Variants in EYS observed in about 807,000 individuals in gnomAD.
EYS encodes protein eyes shut homolog.
Under a neutral mutation model 282.1 loss-of-function variants are expected in EYS, and 250 were observed. The observed-to-expected ratio is 0.89, with a 90% CI of 0.80 to 0.98. The LOEUF (loss-of-function observed/expected upper bound fraction) is 0.98, where lower values mean the gene tolerates loss of function less well. Ranked by LOEUF, EYS falls within the 50% of genes least tolerant of loss-of-function variation. EYS has a pLI of 0.00. For missense variants in EYS, 4,016 were observed against 3,709.0 expected, an observed-to-expected ratio of 1.08 and a Z score of -2.15; for synonymous variants, 1,355 against 1,282.9, an observed-to-expected ratio of 1.06 and a Z score of -1.20.
chr6:64,950,227 G>C (rs1420437264), intron 14 of EYS, among the ~76,000 whole-genome samples: 1 of 151,836 alleles, frequency 6.6e-6, no homozygotes. Flanking sequence ...CACTAAACCA[G>C]TAGACATTTA....
intron 22 of EYS, among the ~76,000 whole-genome samples, chr6:64,735,819 C>T (rs540156948): frequency 3.3e-5 from 5 of 151,740 alleles, no homozygotes; most frequent in Non-Finnish European, 7.4e-5. Context: ...ATATAATAAC[C>T]AATAGATACA....
At chr6:64,347,154 CAG>C (rs112178054) in intron 29 of EYS, among the ~76,000 whole-genome samples, 36 of 151,328 alleles carry the variant, frequency 2.4e-4, no homozygotes, top group African/African-American at 7.2e-4. Flanking sequence ...AATAATAAAA[CAG>C]AGGAAGAACC....
intron 29 of EYS, among the ~76,000 whole-genome samples, chr6:64,354,755 G>A (rs1262901161): frequency 1.3e-5 from 2 of 151,460 alleles, no homozygotes. Flanking sequence ...ATTAAAATGT[G>A]CATATGTATG....
Position 64,590,496 on chromosome 6 carries a change from C to A in EYS, c.5371G>T (p.Val1791Phe), listed in dbSNP as rs1766369643. The change falls in exon 26 of 43, where the codon GTT (valine) becomes TTT (phenylalanine). Residue 1791 changes from valine (V) to phenylalanine (F), a missense_variant. Val to Phe is a conservative substitution (Grantham distance 50). Coordinates refer to ENST00000503581, the MANE Select transcript of EYS (RefSeq NM_001142800.2). ...VPDFSEVTTNVAFYTVSATPA... is the reference protein window; with the variant it reads ...VPDFSEVTTNFAFYTVSATPA... The stretch of plus-strand genomic sequence containing the variant: ...GTTGCTGAAACTGTATAAAATGCAA[C>A]ATTGGTGGTGACTTCTGAAAAATCA... 2.6e-6 allele frequency: 4 copies of A among 1,551,288 alleles called. No individual in the cohort carries two copies. The Admixed American group carries it at 5.9e-5, about 23-fold the overall frequency.
chr6:64,943,916 A>G (rs922857089), intron 15 of EYS, among the ~76,000 whole-genome samples: 1 of 152,110 alleles, frequency 6.6e-6, no homozygotes, highest in African/African-American at 2.4e-5. Context: ...AGGAAATAAA[A>G]AAAGATGGAG....
intron 2 of EYS, among the ~76,000 whole-genome samples, chr6:65,619,991 T>C (rs1160817859): frequency 2.0e-5 from 3 of 152,058 alleles, no homozygotes; most frequent in African/African-American, 7.2e-5. Context: ...TCAATGTTCA[T>C]CAAGGATATT....
At chr6:65,339,565 AGTAAATACAGG>A (rs1012924894) in intron 10 of EYS, among the ~76,000 whole-genome samples, 1 of 151,234 alleles carries the variant, frequency 6.6e-6, no homozygotes, top group Non-Finnish European at 1.5e-5. Context: ...AAAAAAATAC[AGTAAATACAGG>A]GTTTGGTACT....
chr6:65,320,479 G>A (rs1207964160), intron 11 of EYS, among the ~76,000 whole-genome samples: 1 of 152,096 alleles, frequency 6.6e-6, no homozygotes, highest in South Asian at 2.1e-4. Flanking sequence ...AAGCAGGGGT[G>A]GAGTTCCTCC....
intron 41 of EYS, among the ~76,000 whole-genome samples, chr6:63,756,704 G>A (rs1769494337): frequency 6.6e-6 from 1 of 152,138 alleles, no homozygotes; most frequent in Non-Finnish European, 1.5e-5. Flanking sequence ...TGGAGCCACG[G>A]CAGAGGAACA....
At chr6:64,428,620 G>C (rs1013019558) in intron 28 of EYS, among the ~76,000 whole-genome samples, 11 of 152,044 alleles carry the variant, frequency 7.2e-5, no homozygotes, top group African/African-American at 2.4e-4. Flanking sequence ...ATAAGTTGTT[G>C]AGCCTCTAAA....
intron 15 of EYS, among the ~76,000 whole-genome samples, chr6:64,942,958 T>C (rs1315910871): frequency 6.6e-6 from 1 of 151,894 alleles, no homozygotes; most frequent in Non-Finnish European, 1.5e-5. Flanking sequence ...CAATACACCT[T>C]ATGACCCTCA....
chr6:64,718,424 T>A (rs1771465286), intron 22 of EYS, among the ~76,000 whole-genome samples: 1 of 152,216 alleles, frequency 6.6e-6, no homozygotes, highest in Non-Finnish European at 1.5e-5. Flanking sequence ...CTTCACATCT[T>A]TCTCAAGGTA....
intron 40 of EYS, among the ~76,000 whole-genome samples, chr6:63,775,751 C>T (rs969226694): frequency 6.6e-6 from 1 of 151,974 alleles, no homozygotes; most frequent in Non-Finnish European, 1.5e-5. Flanking sequence ...TTAAAACTGT[C>T]AAAAGGAATA....
intron 13 of EYS, among the ~76,000 whole-genome samples, chr6:65,051,232 A>C (rs1314949763): frequency 6.6e-6 from 1 of 151,544 alleles, no homozygotes; most frequent in Non-Finnish European, 1.5e-5. Context: ...TCTCAGCATC[A>C]ATATATGACA....
At chr6:65,452,410 T>G (rs1764441782) in intron 5 of EYS, among the ~76,000 whole-genome samples, 1 of 151,894 alleles carries the variant, frequency 6.6e-6, no homozygotes, top group Non-Finnish European at 1.5e-5. Context: ...CTTAAAATAA[T>G]TAAGTTTTTT....
At chr6:65,506,913 T>C (rs1208873350) in intron 2 of EYS, among the ~76,000 whole-genome samples, 1 of 152,202 alleles carries the variant, frequency 6.6e-6, no homozygotes, top group Non-Finnish European at 1.5e-5. Flanking sequence ...CACCTATCCA[T>C]AGGCTACAAT....
chr6:64,933,118 G>A (rs1435430101), intron 15 of EYS, among the ~76,000 whole-genome samples: 1 of 151,804 alleles, frequency 6.6e-6, no homozygotes, highest in Non-Finnish European at 1.5e-5. Flanking sequence ...AGTCAGCTAT[G>A]GTAAACTTGT....
chr6:63,951,756 C>A (rs146850718), intron 35 of EYS, among the ~76,000 whole-genome samples: 1 of 136,424 alleles, frequency 7.3e-6, no homozygotes, highest in African/African-American at 3.1e-5. Flanking sequence ...TAAAGGTATA[C>A]TCAAGGTTAA....
At chr6:65,548,729 C>G (rs1929333) in intron 2 of EYS, among the ~76,000 whole-genome samples, 113,285 of 152,158 alleles carry the variant, frequency 0.74, 42,934 homozygotes, top group African/African-American at 0.88. Flanking sequence ...CTGTTCTACA[C>G]TATAAGATTT....
Sources: allele counts gnomAD v4.1 joint callset (sites outside exome capture counted in the v4.1 genomes callset), GRCh38; gene constraint gnomAD v4.1.1; transcripts MANE v1.5; gene names NCBI Gene and HGNC (gene_info 2026-07-23, HGNC 2026-07-21).